Variants in PLCE1 observed in about 807,000 individuals in gnomAD.
The protein encoded by PLCE1 is 1-phosphatidylinositol 4,5-bisphosphate phosphodiesterase epsilon-1.
In PLCE1, 119 loss-of-function variants were observed where a neutral mutation model predicts 242.8. That is an observed-to-expected ratio of 0.49 (90% confidence interval 0.42 to 0.57). PLCE1 has a LOEUF of 0.57. Ranked by LOEUF, PLCE1 falls within the 20% of genes least tolerant of loss-of-function variation. The probability of loss-of-function intolerance (pLI) is 0.00; values close to 1 mark genes in which losing one functional copy is unlikely to be tolerated. For synonymous variants in PLCE1, 945 were observed against 1,017.4 expected (o/e 0.93, Z 1.35); for missense variants, 2,441 against 2,788.8 (o/e 0.88, Z 2.81).
chr10:94,298,844 T>C lies in PLCE1; in HGVS notation c.5458+175T>C, dbSNP rs2052934192. Among the ~76,000 whole-genome samples the C allele has an allele frequency of 6.6e-6, 1 of 152,200 alleles. No homozygotes were observed. On this transcript the variant is annotated intron_variant, in intron 24 of 32. Coordinates refer to ENST00000371380, the MANE Select transcript of PLCE1 (RefSeq NM_016341.4). This position sits in a 1 kb window ranked among gnomAD's most constrained non-coding sequence, Gnocchi z 5.2. ...TGATACTGAATTGTGCCTCCGATGT[T>C]TCAGATTAAGGTGATAGAAAAGAAT...
intron 4 of PLCE1, among the ~76,000 whole-genome samples, chr10:94,217,214 T>C (rs1287246534): frequency 1.3e-5 from 2 of 151,898 alleles, no homozygotes; most frequent in Admixed American, 6.6e-5. Context: ...ACCAGCCTTG[T>C]AGAGCTGAAA....
chr10:94,324,445 A>G lies in PLCE1; in HGVS notation c.6598A>G (p.Lys2200Glu). Residue 2200 changes from lysine to glutamate, a missense_variant, in exon 31 of 33, where the codon AAG (lysine) becomes GAG (glutamate). This residue lies in a region of PLCE1 where 310 missense variants were observed against 317.2 expected (regional missense o/e 0.98). Coordinates refer to ENST00000371380, the MANE Select transcript of PLCE1 (RefSeq NM_016341.4). ...LEEVVKDTTNKKTTTPKSSQR... is the reference protein window; with the variant it reads ...LEEVVKDTTNEKTTTPKSSQR... ...AGAGGTGGTGAAAGACACTACCAAC[A>G]AGAAGACTACCACACCAAAGTCCTC... is the stretch of plus-strand genomic sequence containing the variant. 1.9e-6 allele frequency: 3 copies of G among 1,614,188 alleles called. No individual in the cohort carries two copies. The highest frequency in any genetic ancestry group is 2.5e-6 in the Non-Finnish European group (3 of 1,180,006).
At chr10:94,275,156 T>G (rs1333004697) in intron 19 of PLCE1, among the ~76,000 whole-genome samples, 1 of 152,142 alleles carries the variant, frequency 6.6e-6, no homozygotes, top group Non-Finnish European at 1.5e-5. Context: ...TGAACAGAAG[T>G]CTTTTTTATG....
chr10:94,106,291 A>G (rs1315313928), intron 2 of PLCE1: 1 of 152,270 alleles, frequency 6.6e-6, no homozygotes, highest in Non-Finnish European at 1.5e-5. Flanking sequence ...TATACATACT[A>G]CAACATGCCT....
chr10:94,107,988 A>T (rs529606159), intron 2 of PLCE1: 2 of 152,236 alleles, frequency 1.3e-5, no homozygotes, highest in East Asian at 3.9e-4. Flanking sequence ...TGGACTGTGG[A>T]TCTAACCAAC....
At chr10:94,159,831 A>G (rs970490805) in intron 3 of PLCE1, among the ~76,000 whole-genome samples, 1 of 151,592 alleles carries the variant, frequency 6.6e-6, no homozygotes, top group Non-Finnish European at 1.5e-5. Context: ...ATGTGTTTTC[A>G]TTGTTCAATT....
intron 5 of PLCE1, among the ~76,000 whole-genome samples, chr10:94,227,807 A>G (rs558762562): frequency 3.3e-4 from 50 of 152,268 alleles, no homozygotes; most frequent in African/African-American, 1.1e-3. Context: ...GGCCTGCCTT[A>G]TGTAGTGTTC....
At chr10:94,068,473 A>C (rs995395478) in intron 2 of PLCE1, among the ~76,000 whole-genome samples, 7 of 152,260 alleles carry the variant, frequency 4.6e-5, no homozygotes. Flanking sequence ...GGATATTATA[A>C]GTAATCTAGA....
intron 2 of PLCE1, among the ~76,000 whole-genome samples, chr10:94,118,926 A>G (rs943314869): frequency 6.6e-6 from 1 of 152,106 alleles, no homozygotes; most frequent in Non-Finnish European, 1.5e-5. Context: ...GTTCCCCAAT[A>G]TTTTGGAACC....
intron 32 of PLCE1, among the ~76,000 whole-genome samples, chr10:94,326,174 G>C (rs1000347541): frequency 3.3e-5 from 5 of 152,196 alleles, no homozygotes; most frequent in African/African-American, 1.2e-4. Context: ...TTCCCAAGAT[G>C]AACAGCACAG....
rs185236809 is a variant in PLCE1 at position 94,331,571 on chromosome 10, A to G, written c.*3628A>G. The G allele has an allele frequency of 2.6e-5, 4 of 152,366 alleles. No homozygotes were observed. Among genetic ancestry groups the G allele is most frequent in the East Asian group, 1.9e-4 (1 of 5,176 alleles). 9.4% of individuals were successfully genotyped at this position (152,366 alleles called of 1,614,324 possible). ...GGCAGCCTGCAGGGAAAGTGCTCTC[A>G]TGGTGAAAGTCTCTGACCCCTTTTC... On this transcript the variant is annotated 3_prime_UTR_variant, in exon 33 of 33. Transcript: ENST00000371380.
At chr10:94,221,166 T>A (rs2049730514) in intron 4 of PLCE1, among the ~76,000 whole-genome samples, 1 of 152,214 alleles carries the variant, frequency 6.6e-6, no homozygotes, top group Non-Finnish European at 1.5e-5. Context: ...TGCAAATTAT[T>A]GATCTCTGGC....
intron 2 of PLCE1, among the ~76,000 whole-genome samples, chr10:94,120,511 C>A (rs1185770237): frequency 6.6e-6 from 1 of 152,154 alleles, no homozygotes; most frequent in Non-Finnish European, 1.5e-5. Flanking sequence ...ATGTCCCTAG[C>A]TCCTCTCTGG....
chr10:94,323,329 T>C (rs2053890292), intron 30 of PLCE1, among the ~76,000 whole-genome samples: 1 of 152,176 alleles, frequency 6.6e-6, no homozygotes, highest in African/African-American at 2.4e-5. Context: ...GCACAGACCC[T>C]AGATCAAGCT....
intron 4 of PLCE1, among the ~76,000 whole-genome samples, chr10:94,194,204 C>T (rs1453929154): frequency 6.6e-6 from 1 of 152,130 alleles, no homozygotes; most frequent in Non-Finnish European, 1.5e-5. Flanking sequence ...AATAAAAATC[C>T]ACCCAGAACC....
At chr10:94,132,883 G>A (rs569331577) in intron 3 of PLCE1, among the ~76,000 whole-genome samples, 1 of 149,890 alleles carries the variant, frequency 6.7e-6, no homozygotes, top group East Asian at 2.0e-4. Flanking sequence ...CTGAGAGGTG[G>A]AGCTTGCAGT....
At chr10:94,266,072 A>T in intron 16 of PLCE1, 114 bp downstream of exon 16, 1 of 925,586 alleles carries the variant, frequency 1.1e-6, no homozygotes, top group Non-Finnish European at 1.7e-6. Context: ...AGAGTAAGCT[A>T]TTACATGTCA....
In PLCE1 at chr10:94,234,142, G is replaced by C; in HGVS notation, c.2044G>C (p.Glu682Gln). Residue 682 changes from glutamate (E) to glutamine (Q), a missense_variant, in exon 6 of 33, where the codon GAG becomes CAG. This residue lies in a region of PLCE1 where 733 missense variants were observed against 754.2 expected (regional missense o/e 0.97). Transcript: ENST00000371380. ...RSLKDAMAQH[E>Q]SSCEYRKVVT... ...CCTGAAGGATGCTATGGCCCAGCAT[G>C]AGTCCTCTTGTGAGTACAGAAAGGT... is the stretch of plus-strand genomic sequence containing the variant. The C allele has an allele frequency of 1.9e-6, 3 of 1,614,098 alleles. No homozygotes were observed. The highest frequency in any genetic ancestry group is 2.5e-6 in the Non-Finnish European group (3 of 1,179,932).
At chr10:94,232,948 A>G (rs1240251287) in intron 5 of PLCE1, among the ~76,000 whole-genome samples, 1 of 152,218 alleles carries the variant, frequency 6.6e-6, no homozygotes, top group Non-Finnish European at 1.5e-5. Flanking sequence ...CAATGTCCCC[A>G]GGGAATTCAC....
Sources: allele counts gnomAD v4.1 joint callset (sites outside exome capture counted in the v4.1 genomes callset), GRCh38; gene constraint gnomAD v4.1.1; regional missense constraint gnomAD v4.1.1; non-coding constraint Gnocchi (gnomAD v3.1); transcripts MANE v1.5; gene names NCBI Gene and HGNC (gene_info 2026-07-23, HGNC 2026-07-21).